ZMYM4: variants seen among roughly 807,000 people sequenced by gnomAD.
ZMYM4 encodes the protein zinc finger MYM-type containing 4, also known as zinc finger MYM-type protein 4.
Under a neutral mutation model 183.2 loss-of-function variants are expected in ZMYM4, and 31 were observed. The ratio of observed to expected loss-of-function variants is 0.17; its 90% CI spans 0.13 to 0.23. The LOEUF (loss-of-function observed/expected upper bound fraction) is 0.23. Ranked by LOEUF, ZMYM4 falls within the 10% of genes least tolerant of loss-of-function variation. The pLI is 1.00. For synonymous variants in ZMYM4, 592 were observed against 631.2 expected (o/e 0.94, Z 0.93); for missense variants, 1,273 against 1,840.3 (o/e 0.69, Z 5.64).
chr1:35,283,040 C>T (rs1441768182), intron 1 of ZMYM4, among the ~76,000 whole-genome samples: 1 of 102,728 alleles, frequency 9.7e-6, no homozygotes, highest in African/African-American at 3.6e-5. Context: ...ACTCTGTTGC[C>T]CAGGCCGGAG....
At chr1:35,375,147 TCTTA>T (rs1277989998) in intron 7 of ZMYM4, among the ~76,000 whole-genome samples, 3 of 152,148 alleles carry the variant, frequency 2.0e-5, no homozygotes, top group African/African-American at 7.2e-5. Flanking sequence ...TCATCTTCTT[TCTTA>T]CTTTTCTCCT....
intron 2 of ZMYM4, among the ~76,000 whole-genome samples, chr1:35,330,735 G>A (rs1439059061): frequency 6.6e-6 from 1 of 152,098 alleles, no homozygotes; most frequent in Admixed American, 6.5e-5. Flanking sequence ...GCAAACTAAG[G>A]CTTAGAGACA....
chr1:35,325,253 A>C, intron 1 of ZMYM4, 107 bp from the exon 2 acceptor site: 1 of 1,025,538 alleles, frequency 9.8e-7, no homozygotes, highest in Admixed American at 2.9e-5. Flanking sequence ...TGCACTTGTC[A>C]TTTGGGTTGA....
intron 7 of ZMYM4, among the ~76,000 whole-genome samples, chr1:35,371,546 T>G (rs562343983): frequency 6.6e-6 from 1 of 152,288 alleles, no homozygotes; most frequent in African/African-American, 2.4e-5. Flanking sequence ...ACACAATAAC[T>G]TTGACTAATT....
At chr1:35,331,639 T>C (rs1405355589) in intron 2 of ZMYM4, among the ~76,000 whole-genome samples, 1 of 151,564 alleles carries the variant, frequency 6.6e-6, no homozygotes, top group Non-Finnish European at 1.5e-5. Context: ...TACAAAAAAT[T>C]CACTGGGTGT....
At chr1:35,333,431 ATTT>A (rs907331761) in intron 2 of ZMYM4, among the ~76,000 whole-genome samples, 1 of 151,836 alleles carries the variant, frequency 6.6e-6, no homozygotes, top group Non-Finnish European at 1.5e-5. Context: ...AATTTTTTGT[ATTT>A]TTAATAGAGA....
intron 1 of ZMYM4, among the ~76,000 whole-genome samples, chr1:35,312,669 TTC>T (rs1233329128): frequency 3.3e-5 from 5 of 152,002 alleles, no homozygotes; most frequent in Non-Finnish European, 5.9e-5. Flanking sequence ...TTTCTTTCTC[TTC>T]TTTCCCTTCT....
At chr1:35,344,496 C>T (rs915564198) in intron 2 of ZMYM4, among the ~76,000 whole-genome samples, 6 of 151,788 alleles carry the variant, frequency 4.0e-5, no homozygotes, top group Admixed American at 2.0e-4. Flanking sequence ...TAGATGCCCT[C>T]TCTCAGATCA....
chr1:35,361,532 T>C (rs1363796733), intron 4 of ZMYM4, 87 bp from the exon 5 acceptor site: 2 of 1,436,982 alleles, frequency 1.4e-6, no homozygotes, highest in East Asian at 4.8e-5. Flanking sequence ...GTTCTTCATT[T>C]CCAATGAGCT....
At chr1:35,344,354 G>C (rs745412128) in intron 2 of ZMYM4, among the ~76,000 whole-genome samples, 3 of 151,930 alleles carry the variant, frequency 2.0e-5, no homozygotes, top group African/African-American at 7.2e-5. Context: ...GTGCCCAGCC[G>C]CTAGGATGTT....
intron 2 of ZMYM4, among the ~76,000 whole-genome samples, chr1:35,331,123 A>G (rs1642728245): frequency 6.7e-6 from 1 of 149,418 alleles, no homozygotes; most frequent in African/African-American, 2.4e-5. Context: ...TTTAAAAAAA[A>G]CTACTTAAAA....
chr1:35,377,757 T>C (rs1200612479), intron 7 of ZMYM4, among the ~76,000 whole-genome samples: 1 of 152,230 alleles, frequency 6.6e-6, no homozygotes, highest in Non-Finnish European at 1.5e-5. Flanking sequence ...CAGTCTTGTT[T>C]CAATGTTGAT....
Position 35,284,077 on chromosome 1 carries a change from C to T in ZMYM4, c.39+14992C>T, listed in dbSNP as rs372367182. On this transcript the variant is annotated intron_variant, in intron 1 of 29. Coordinates refer to ENST00000314607, the MANE Select transcript of ZMYM4 (RefSeq NM_005095.3). ...CTGCAAGCTCCGCTTCCCGGGTTCACGCCATTCTCCTGCCTCAGCCTCCCG... is the reference window on the plus strand; with the variant it reads ...CTGCAAGCTCCGCTTCCCGGGTTCATGCCATTCTCCTGCCTCAGCCTCCCG... Among the ~76,000 whole-genome samples, 11 of 151,894 alleles carry T rather than the reference C, an allele frequency of 7.2e-5. No individual in the cohort carries two copies. The South Asian group carries it at 1.0e-3, about 14-fold the overall frequency.
At chr1:35,408,991 C>T (rs1284638493) in intron 26 of ZMYM4, among the ~76,000 whole-genome samples, 1 of 152,162 alleles carries the variant, frequency 6.6e-6, no homozygotes, top group Non-Finnish European at 1.5e-5. Flanking sequence ...TCTCTCTGGA[C>T]TTGCCTATTC....
chr1:35,373,253 TACAC>T (rs1040510302), intron 7 of ZMYM4, among the ~76,000 whole-genome samples: 1 of 150,168 alleles, frequency 6.7e-6, no homozygotes, highest in East Asian at 1.9e-4. Context: ...TATATATATA[TACAC>T]ACACACCCAC....
At chr1:35,373,331 A>G (rs955430555) in intron 7 of ZMYM4, among the ~76,000 whole-genome samples, 11 of 150,900 alleles carry the variant, frequency 7.3e-5, no homozygotes, top group African/African-American at 2.7e-4. Context: ...TAAATGCTTA[A>G]TAAGTATTTG....
chr1:35,272,878 T>A (rs1360657222), intron 1 of ZMYM4, among the ~76,000 whole-genome samples: 2 of 152,022 alleles, frequency 1.3e-5, no homozygotes. Flanking sequence ...CCGGCTAATT[T>A]TTTGTTTCTG....
At chr1:35,311,405 A>G (rs1641792002) in intron 1 of ZMYM4, among the ~76,000 whole-genome samples, 1 of 151,176 alleles carries the variant, frequency 6.6e-6, no homozygotes, top group African/African-American at 2.4e-5. Context: ...CTCGGCAACA[A>G]GAGCAAAACT....
At chr1:35,269,220 C>T in intron 1 of ZMYM4, 135 bp downstream of exon 1, 1 of 878,938 alleles carries the variant, frequency 1.1e-6, no homozygotes, top group Non-Finnish European at 1.4e-6. Flanking sequence ...CTGAGGCAGC[C>T]TTGGGTCCGG....
Sources: allele counts gnomAD v4.1 joint callset (sites outside exome capture counted in the v4.1 genomes callset), GRCh38; gene constraint gnomAD v4.1.1; transcripts MANE v1.5; gene names NCBI Gene and HGNC (gene_info 2026-07-23, HGNC 2026-07-21).